HUNK: variants seen among roughly 807,000 people sequenced by gnomAD.
HUNK encodes the protein hormonally up-regulated Neu-associated kinase.
HUNK carries 21 observed loss-of-function variants against 61.0 expected under a neutral mutation model. The ratio of observed to expected loss-of-function variants is 0.34; its 90% CI spans 0.24 to 0.50. The LOEUF is 0.50. Among genes scored for constraint, HUNK ranks in the 20% least tolerant of loss-of-function variants. The probability of loss-of-function intolerance (pLI) is 0.98; values close to 1 mark genes in which losing one functional copy is unlikely to be tolerated. For missense variants in HUNK, 772 were observed against 945.7 expected, an observed-to-expected ratio of 0.82 and a Z score of 2.41; for synonymous variants, 371 against 386.1, an observed-to-expected ratio of 0.96 and a Z score of 0.46.
At chr21:31,962,621 A>G (rs1198742191) in intron 5 of HUNK, among the ~76,000 whole-genome samples, 1 of 152,222 alleles carries the variant, frequency 6.6e-6, no homozygotes, top group African/African-American at 2.4e-5. Context: ...TGTGCTTGTT[A>G]AAGATCTTCA....
chr21:31,965,022 C>CT (rs1288492771), intron 5 of HUNK, among the ~76,000 whole-genome samples: 2 of 152,146 alleles, frequency 1.3e-5, no homozygotes, highest in Admixed American at 1.3e-4. Flanking sequence ...AAGCCCTCAT[C>CT]TTTTTTATCT....
intron 4 of HUNK, among the ~76,000 whole-genome samples, chr21:31,956,383 C>T (rs1309702813): frequency 6.6e-6 from 1 of 152,136 alleles, no homozygotes; most frequent in East Asian, 1.9e-4. Flanking sequence ...AGGTTTCCAT[C>T]CATAAAAGCG....
intron 7 of HUNK, among the ~76,000 whole-genome samples, chr21:31,979,091 A>C (rs535008768): frequency 1.8e-3 from 256 of 145,944 alleles, no homozygotes; most frequent in Middle Eastern, 7.1e-3. Context: ...GATGTTGAGC[A>C]TACCTATTGG....
chr21:31,915,307 T>C (rs980555356), intron 1 of HUNK, among the ~76,000 whole-genome samples: 1 of 152,194 alleles, frequency 6.6e-6, no homozygotes, highest in African/African-American at 2.4e-5. Context: ...CATTTGAGTT[T>C]AGTATACAGT....
chr21:31,989,761 C>G (rs1188502207), intron 8 of HUNK, among the ~76,000 whole-genome samples: 2 of 150,150 alleles, frequency 1.3e-5, no homozygotes, highest in Non-Finnish European at 3.0e-5. Flanking sequence ...GACAGAATGC[C>G]TGGCAGAGGA....
intron 7 of HUNK, 89 bp downstream of exon 7, chr21:31,974,806 A>G: frequency 8.0e-7 from 1 of 1,255,256 alleles, no homozygotes; most frequent in Non-Finnish European, 1.1e-6. Flanking sequence ...CTGACACTTG[A>G]TCCAAGCTGC....
At chr21:31,932,962 G>T (rs913147751) in intron 2 of HUNK, among the ~76,000 whole-genome samples, 2 of 149,372 alleles carry the variant, frequency 1.3e-5, no homozygotes, top group East Asian at 3.9e-4. Flanking sequence ...CCCCAGGCTG[G>T]AGTGCAGTGG....
At chr21:31,885,698 C>T (rs1196629582) in intron 1 of HUNK, among the ~76,000 whole-genome samples, 1 of 152,080 alleles carries the variant, frequency 6.6e-6, no homozygotes, top group Admixed American at 6.6e-5. Flanking sequence ...GTCTGCCCTC[C>T]ACGTGTGTCT....
chr21:31,904,928 T>C (rs370292426), intron 1 of HUNK, among the ~76,000 whole-genome samples: 2 of 151,832 alleles, frequency 1.3e-5, no homozygotes, highest in South Asian at 4.2e-4. Flanking sequence ...GTACTAAAAA[T>C]AGTAGCCAGC....
intron 2 of HUNK, among the ~76,000 whole-genome samples, chr21:31,930,579 A>T (rs528954095): frequency 6.6e-6 from 1 of 152,332 alleles, no homozygotes; most frequent in East Asian, 1.9e-4. Flanking sequence ...CTTTCTGAGC[A>T]CGTATCCCAT....
At chr21:31,986,180 C>T (rs2833590) in intron 8 of HUNK, among the ~76,000 whole-genome samples, 3,285 of 152,102 alleles carry the variant, frequency 0.022, 115 homozygotes, top group African/African-American at 0.076. Flanking sequence ...GAATCTAGCA[C>T]GCTCTGAACC....
chr21:31,895,996 A>G (rs375585731), intron 1 of HUNK, among the ~76,000 whole-genome samples: 1 of 152,192 alleles, frequency 6.6e-6, no homozygotes, highest in East Asian at 1.9e-4. Context: ...CCTTAATCCA[A>G]TGTAGCTGGT....
chr21:31,917,817 A>G (rs2123811754), intron 1 of HUNK, among the ~76,000 whole-genome samples: 1 of 151,224 alleles, frequency 6.6e-6, no homozygotes, highest in East Asian at 2.0e-4. Flanking sequence ...CCTTAAGTGA[A>G]TCGGGGAACC....
At chr21:31,997,270 A>G (rs76717910) in intron 10 of HUNK, among the ~76,000 whole-genome samples, 2,679 of 152,290 alleles carry the variant, frequency 0.018, 67 homozygotes, top group African/African-American at 0.061. Flanking sequence ...CCAAACCTGG[A>G]TTCTAGTCTA....
At chr21:31,887,166 C>T (rs75090771) in intron 1 of HUNK, among the ~76,000 whole-genome samples, 11,488 of 152,066 alleles carry the variant, frequency 0.076, 836 homozygotes, top group East Asian at 0.25. Flanking sequence ...GTGCTTTCTG[C>T]GGGGATTTAG....
intron 4 of HUNK, among the ~76,000 whole-genome samples, chr21:31,950,679 G>A (rs2052843529): frequency 6.6e-6 from 1 of 152,168 alleles, no homozygotes; most frequent in Admixed American, 6.5e-5. Flanking sequence ...TTAGGTTTCT[G>A]TTTGGTGCCC....
At chr21:31,934,335 C>T (rs1269451579) in intron 2 of HUNK, among the ~76,000 whole-genome samples, 4 of 149,534 alleles carry the variant, frequency 2.7e-5, no homozygotes, top group Admixed American at 6.7e-5. Flanking sequence ...CCCAGCTACT[C>T]AGGAGGCTGA....
At chr21:31,892,060 G>A (rs2052390928) in intron 1 of HUNK, among the ~76,000 whole-genome samples, 1 of 151,264 alleles carries the variant, frequency 6.6e-6, no homozygotes, top group Admixed American at 6.6e-5. Context: ...TGTGATCTTG[G>A]GCACAGTGTT....
At chr21:31,994,377 T>C (rs1416527573) in intron 9 of HUNK, among the ~76,000 whole-genome samples, 5 of 152,200 alleles carry the variant, frequency 3.3e-5, no homozygotes, top group Non-Finnish European at 7.3e-5. Flanking sequence ...CATGAACTCT[T>C]ATCTGCAGAC....
Sources: allele counts gnomAD v4.1 joint callset (sites outside exome capture counted in the v4.1 genomes callset), GRCh38; gene constraint gnomAD v4.1.1; transcripts MANE v1.5; gene names NCBI Gene and HGNC (gene_info 2026-07-23, HGNC 2026-07-21).